ABTB3: variants seen among roughly 807,000 people sequenced by gnomAD.
The protein encoded by ABTB3 is ankyrin repeat and BTB domain containing 3.
At chr12:107,340,278 G>T in the ABTB3 span, among the ~76,000 whole-genome samples, 1 of 152,138 alleles carries the variant, frequency 6.6e-6, no homozygotes, top group Non-Finnish European at 1.5e-5. Flanking sequence ...AGAAAAAATG[G>T]TCTTGTGCTT....
chr12:107,592,243 TGGCC>T, the ABTB3 span, among the ~76,000 whole-genome samples: 6 of 152,168 alleles, frequency 3.9e-5, no homozygotes, highest in Admixed American at 3.9e-4. Context: ...CCAGTCAGAT[TGGCC>T]AAAATAAATA....
chr12:107,600,217 C>T, the ABTB3 span, among the ~76,000 whole-genome samples: 1 of 152,162 alleles, frequency 6.6e-6, no homozygotes, highest in Non-Finnish European at 1.5e-5. Context: ...GGTTGAGTGC[C>T]AGCTCCATCA....
At chr12:107,540,916 G>A in the ABTB3 span, among the ~76,000 whole-genome samples, 20 of 152,116 alleles carry the variant, frequency 1.3e-4, no homozygotes, top group Admixed American at 6.5e-4. Context: ...TGGGAGGATC[G>A]CTTGAGCCCA....
chr12:107,319,051 C>G, the ABTB3 span: 2 of 1,613,644 alleles, frequency 1.2e-6, no homozygotes, highest in Non-Finnish European at 1.7e-6. Context: ...TGTCTTTGTG[C>G]TGTTCCGACT....
At chr12:107,637,252 C>T in the ABTB3 span, among the ~76,000 whole-genome samples, 11 of 152,228 alleles carry the variant, frequency 7.2e-5, no homozygotes, top group East Asian at 9.7e-4. Context: ...ATTATCCGGA[C>T]GCAATGGCGC....
chr12:107,365,917 C>T, the ABTB3 span, among the ~76,000 whole-genome samples: 1 of 152,210 alleles, frequency 6.6e-6, no homozygotes, highest in African/African-American at 2.4e-5. Context: ...TCAGAAACCG[C>T]CTCACACTGA....
the ABTB3 span, among the ~76,000 whole-genome samples, chr12:107,598,418 C>A: frequency 6.6e-6 from 1 of 152,232 alleles, no homozygotes; most frequent in Non-Finnish European, 1.5e-5. Flanking sequence ...AATCACATGG[C>A]TATAGCCAGC....
the ABTB3 span, among the ~76,000 whole-genome samples, chr12:107,439,415 G>T: frequency 6.6e-6 from 1 of 152,140 alleles, no homozygotes; most frequent in Non-Finnish European, 1.5e-5. Flanking sequence ...TACCTGGCTT[G>T]GTTGCTGCCT....
chr12:107,605,075 A>T, the ABTB3 span, among the ~76,000 whole-genome samples: 1 of 152,258 alleles, frequency 6.6e-6, no homozygotes, highest in African/African-American at 2.4e-5. Flanking sequence ...TAAGTAATGC[A>T]TATGGTAATT....
At chr12:107,515,173 T>C in the ABTB3 span, among the ~76,000 whole-genome samples, 2 of 152,170 alleles carry the variant, frequency 1.3e-5, no homozygotes, top group Non-Finnish European at 2.9e-5. Context: ...AGACTGAAGC[T>C]CTGGATTCCA....
the ABTB3 span, chr12:107,320,204 C>A: frequency 3.9e-6 from 5 of 1,296,628 alleles, no homozygotes; most frequent in South Asian, 5.0e-5. Context: ...AGGAGGCGGC[C>A]GGGCTGGAGG....
the ABTB3 span, among the ~76,000 whole-genome samples, chr12:107,362,870 A>G: frequency 1.3e-5 from 2 of 152,198 alleles, no homozygotes; most frequent in Admixed American, 1.3e-4. Flanking sequence ...GATTCTTCTA[A>G]CAATGAGTTG....
At chr12:107,389,846 T>TGTGTG in the ABTB3 span, among the ~76,000 whole-genome samples, 975 of 141,546 alleles carry the variant, frequency 6.9e-3, 7 homozygotes, top group African/African-American at 0.02. Flanking sequence ...GTGTGTGTGT[T>TGTGTG]TGTGTGTGTG....
At chr12:107,580,394 G>A in the ABTB3 span, among the ~76,000 whole-genome samples, 1 of 152,206 alleles carries the variant, frequency 6.6e-6, no homozygotes, top group African/African-American at 2.4e-5. Context: ...TTCAGTTGTA[G>A]GCATTGTCTC....
chr12:107,597,982 C>G, the ABTB3 span, among the ~76,000 whole-genome samples: 5 of 152,310 alleles, frequency 3.3e-5, no homozygotes, highest in East Asian at 9.6e-4. Context: ...GACCATATGG[C>G]CTACAAGCCT....
At chr12:107,473,623 C>T in the ABTB3 span, among the ~76,000 whole-genome samples, 453 of 151,732 alleles carry the variant, frequency 3.0e-3, 3 homozygotes, top group African/African-American at 0.01. Context: ...CAAATAGTTT[C>T]ACTTGCTTTT....
At chr12:107,467,297 G>A in the ABTB3 span, among the ~76,000 whole-genome samples, 3 of 152,010 alleles carry the variant, frequency 2.0e-5, no homozygotes. Context: ...ACAAGAAAAC[G>A]GGCCTTTGTA....
the ABTB3 span, among the ~76,000 whole-genome samples, chr12:107,575,662 C>A: frequency 4.6e-5 from 7 of 152,204 alleles, no homozygotes; most frequent in African/African-American, 1.7e-4. Context: ...AGCTCATGGC[C>A]CCTTCCTCTC....
chr12:107,655,256 A>AATATATATATATATATATATATAT, the ABTB3 span, among the ~76,000 whole-genome samples: 3 of 148,764 alleles, frequency 2.0e-5, no homozygotes, highest in Admixed American at 6.7e-5. Flanking sequence ...GCCTCTTTCA[A>AATATATATATATATATATATATAT]ATATATATAT....
Sources: gnomAD v4.1 joint callset for allele counts (sites outside exome capture counted in the v4.1 genomes callset) on GRCh38, gnomAD v4.1.1 for gene constraint, MANE v1.5 for transcripts, NCBI Gene and HGNC (gene_info 2026-07-23, HGNC 2026-07-21) for gene names.